DMRT1: variants seen among roughly 807,000 people sequenced by gnomAD.
The protein encoded by DMRT1 is doublesex and mab-3 related transcription factor 1.
Under a neutral mutation model 32.3 loss-of-function variants are expected in DMRT1, and 7 were observed. The ratio of observed to expected loss-of-function variants is 0.22; its 90% CI spans 0.12 to 0.41. DMRT1 has a LOEUF of 0.41. Among genes scored for constraint, DMRT1 ranks in the 10% least tolerant of loss-of-function variants. The probability of loss-of-function intolerance (pLI) is 1.00; values close to 1 mark genes in which losing one functional copy is unlikely to be tolerated. For missense variants in DMRT1, 625 were observed against 500.5 expected (o/e 1.25, Z -2.37); for synonymous variants, 278 against 206.1 (o/e 1.35, Z -2.99).
chr9:898,509 A>G (rs559138899), intron 3 of DMRT1, among the ~76,000 whole-genome samples: 1 of 149,448 alleles, frequency 6.7e-6, no homozygotes, highest in East Asian at 2.0e-4. Flanking sequence ...AGGCTCTCTC[A>G]CTCTGCTCTT....
intron 4 of DMRT1, among the ~76,000 whole-genome samples, chr9:939,504 A>T (rs1050891636): frequency 2.6e-5 from 4 of 152,160 alleles, no homozygotes; most frequent in Admixed American, 2.0e-4. Flanking sequence ...TTCCCCACAC[A>T]TGCTGAAAAT....
chr9:854,010 C>T (rs1401904682), intron 2 of DMRT1, among the ~76,000 whole-genome samples: 1 of 151,550 alleles, frequency 6.6e-6, no homozygotes, highest in African/African-American at 2.4e-5. Context: ...TTTTGTTGCC[C>T]ACGCTGGTCT....
rs758793821 is a variant in DMRT1 at position 850,409 on chromosome 9, C to G, written c.538+3266C>G. ...AGCTTCTTAGATAGCTTCCTACTAA[C>G]AAATATATAGCTTATATTCATTTTT... On this transcript the variant is annotated intron_variant, in intron 2 of 4. Coordinates refer to ENST00000382276, the MANE Select transcript of DMRT1 (RefSeq NM_021951.3). Among the ~76,000 whole-genome samples, 80 of 152,154 alleles carry G rather than the reference C, an allele frequency of 5.3e-4. 1 individual carries two copies. The highest frequency in any genetic ancestry group is 3.2e-4 in the Non-Finnish European group (22 of 68,040).
intron 2 of DMRT1, among the ~76,000 whole-genome samples, chr9:871,488 A>G (rs113056684): frequency 0.019 from 2,603 of 135,106 alleles, 115 homozygotes; most frequent in African/African-American, 0.068. Flanking sequence ...ATGCGCCACC[A>G]CGCCCGGCTA....
At chr9:878,650 T>C (rs956750089) in intron 2 of DMRT1, among the ~76,000 whole-genome samples, 3 of 152,044 alleles carry the variant, frequency 2.0e-5, no homozygotes, top group East Asian at 1.9e-4. Flanking sequence ...AGTACCCTAA[T>C]GATGAGGATT....
chr9:881,163 G>T (rs1341303067), intron 2 of DMRT1, among the ~76,000 whole-genome samples: 1 of 152,130 alleles, frequency 6.6e-6, no homozygotes, highest in East Asian at 1.9e-4. Context: ...CTGGTTTAGA[G>T]GCAGGTTCTA....
intron 3 of DMRT1, chr9:894,584 C>A: frequency 3.3e-6 from 1 of 306,482 alleles, no homozygotes; most frequent in Non-Finnish European, 6.3e-6. Flanking sequence ...AGCTTTGTCC[C>A]CACTTTCGTT....
At chr9:895,457 T>G (rs1276066601) in intron 3 of DMRT1, among the ~76,000 whole-genome samples, 1 of 152,190 alleles carries the variant, frequency 6.6e-6, no homozygotes, top group Non-Finnish European at 1.5e-5. Flanking sequence ...AGTGGGGATT[T>G]GATTCAACGC....
chr9:875,675 C>G (rs574102128), intron 2 of DMRT1, among the ~76,000 whole-genome samples: 8 of 152,264 alleles, frequency 5.3e-5, no homozygotes, highest in African/African-American at 1.7e-4. Context: ...GACATTTTAG[C>G]TAACAAGCCC....
At chr9:929,257 T>C (rs993758508) in intron 4 of DMRT1, among the ~76,000 whole-genome samples, 2 of 152,182 alleles carry the variant, frequency 1.3e-5, no homozygotes, top group African/African-American at 2.4e-5. Flanking sequence ...AGGATTGCAG[T>C]ACCTTCTCTA....
chr9:872,107 G>C (rs1589480118), intron 2 of DMRT1, among the ~76,000 whole-genome samples: 2 of 151,114 alleles, frequency 1.3e-5, no homozygotes, highest in East Asian at 3.9e-4. Context: ...TGTCACCCAG[G>C]CTGGAGTGCA....
rs1165853894 is a variant in DMRT1 at position 841,996 on chromosome 9, G to T, written c.158G>T (p.Gly53Val). 2 of 1,566,100 alleles carry T rather than the reference G, an allele frequency of 1.3e-6. No homozygotes were observed. The highest frequency in any genetic ancestry group is 1.7e-6 in the Non-Finnish European group (2 of 1,157,112). ...TCGAGCGCCGGGGGCAGCAGCAGAG[G>T]AGGCGGCTCCGGCTCCGGGGCGTCG... is the stretch of plus-strand genomic sequence containing the variant. ...SGSSAGGSSR[G>V]GGSGSGASDL... Residue 53 changes from glycine to valine, a missense_variant, in exon 1 of 5, where the codon GGA (glycine) becomes GTA (valine). Gly to Val is a moderately radical substitution (Grantham distance 109). Around this residue, in one of 3 missense-constraint regions of DMRT1, gnomAD observed 201 missense variants for 152.0 expected, o/e 1.32. Coordinates refer to ENST00000382276, the MANE Select transcript of DMRT1 (RefSeq NM_021951.3).
At chr9:878,951 G>C (rs1309836559) in intron 2 of DMRT1, among the ~76,000 whole-genome samples, 1 of 152,086 alleles carries the variant, frequency 6.6e-6, no homozygotes, top group African/African-American at 2.4e-5. Context: ...TGGGACCAGT[G>C]CTCTCAACCT....
rs976460616 is a variant in DMRT1, at chr9:897,775, A to G, written c.822+3580A>G. On this transcript the variant is annotated intron_variant, in intron 3 of 4. Transcript: ENST00000382276. ...AGTTCTTGACTGTTTGTTCATATGT[A>G]TTTTCGTTAGCTACCTCAGATCCCC... Among the ~76,000 whole-genome samples, 5 of 151,890 alleles carry G rather than the reference A, an allele frequency of 3.3e-5. No individual in the cohort carries two copies. In the South Asian group the frequency reaches 1.0e-3, roughly 32 times the overall value.
chr9:883,191 T>C (rs1055835513), intron 2 of DMRT1, among the ~76,000 whole-genome samples: 15 of 151,448 alleles, frequency 9.9e-5, no homozygotes, highest in Non-Finnish European at 2.2e-4. Flanking sequence ...AAAAGCCAAC[T>C]TCAGGTTCAC....
At chr9:864,475 G>T (rs905427260) in intron 2 of DMRT1, among the ~76,000 whole-genome samples, 5 of 146,672 alleles carry the variant, frequency 3.4e-5, no homozygotes, top group African/African-American at 1.0e-4. Context: ...TTACAGGCGT[G>T]AGCCACCATG....
chr9:862,240 C>G (rs565897350), intron 2 of DMRT1, among the ~76,000 whole-genome samples: 4 of 152,110 alleles, frequency 2.6e-5, no homozygotes, highest in African/African-American at 9.7e-5. Context: ...GAGACTCCGT[C>G]TGCACTCCCG....
At chr9:867,247 T>A (rs1816030825) in intron 2 of DMRT1, among the ~76,000 whole-genome samples, 1 of 152,058 alleles carries the variant, frequency 6.6e-6, no homozygotes, top group Non-Finnish European at 1.5e-5. Flanking sequence ...AATTCTCACA[T>A]TAGTTTGTGT....
intron 3 of DMRT1, among the ~76,000 whole-genome samples, chr9:903,195 C>G (rs940368355): frequency 2.0e-5 from 3 of 152,170 alleles, no homozygotes; most frequent in Admixed American, 6.5e-5. Context: ...ACAACATAGT[C>G]TTACTCCTGC....
Sources: allele counts gnomAD v4.1 joint callset (sites outside exome capture counted in the v4.1 genomes callset), GRCh38; gene constraint gnomAD v4.1.1; regional missense constraint gnomAD v4.1.1; transcripts MANE v1.5; gene names NCBI Gene and HGNC (gene_info 2026-07-23, HGNC 2026-07-21).